Variants in FAM204A observed in about 807,000 individuals in gnomAD.
FAM204A encodes family with sequence similarity 204 member A.
Under a neutral mutation model 35.4 loss-of-function variants are expected in FAM204A, and 16 were observed. The ratio of observed to expected loss-of-function variants is 0.45; its 90% CI spans 0.31 to 0.69. The LOEUF (loss-of-function observed/expected upper bound fraction) is 0.69, where lower values mean the gene tolerates loss of function less well. FAM204A is among the 30% of genes least tolerant of loss of function. The probability of loss-of-function intolerance (pLI) is 0.07; values close to 1 mark genes in which losing one functional copy is unlikely to be tolerated. For synonymous variants in FAM204A, 76 were observed against 86.9 expected, an observed-to-expected ratio of 0.88 and a Z score of 0.70; for missense variants, 240 against 265.7, an observed-to-expected ratio of 0.90 and a Z score of 0.67.
intron 7 of FAM204A, among the ~76,000 whole-genome samples, chr10:118,324,847 A>C (rs904260416): frequency 9.2e-5 from 14 of 152,172 alleles, no homozygotes; most frequent in Non-Finnish European, 1.8e-4. Flanking sequence ...TGTTATGTAC[A>C]TTTTACAATT....
In FAM204A at chr10:118,310,896, C is replaced by A; in HGVS notation, c.663G>T (p.Lys221Asn). 1 of 1,600,572 alleles carries A rather than the reference C, an allele frequency of 6.2e-7. No homozygotes were observed. Among genetic ancestry groups the A allele is most frequent in the Non-Finnish European group, 8.5e-7 (1 of 1,176,106 alleles). ...TGTTGCTTTTGGTTTCCCATCTCTT[C>A]TTTGCTTCAAACCTAAAAGGAAGAA... ...KKKLAWGFEA[K>N]KRWETKSNMG... The change falls in exon 9 of 9, where the codon AAG (lysine) becomes AAT (asparagine). Residue 221 changes from lysine (K) to asparagine (N), a missense_variant. Transcript: ENST00000369183.
At chr10:118,328,408 T>C (rs1846232804) in intron 6 of FAM204A, among the ~76,000 whole-genome samples, 2 of 151,996 alleles carry the variant, frequency 1.3e-5, no homozygotes, top group Admixed American at 1.3e-4. Flanking sequence ...GGAAACTTGC[T>C]GGAAATGCAA....
At chr10:118,327,108 C>T (rs1383081335) in intron 6 of FAM204A, among the ~76,000 whole-genome samples, 1 of 152,152 alleles carries the variant, frequency 6.6e-6, no homozygotes, top group Admixed American at 6.5e-5. Flanking sequence ...TTCTTAGAAG[C>T]AAATTTTATC....
At chr10:118,326,295 G>A in intron 6 of FAM204A, 52 bp from the exon 7 acceptor site, 1 of 1,458,864 alleles carries the variant, frequency 6.9e-7, no homozygotes, top group Non-Finnish European at 9.6e-7. Context: ...GCAAACATTT[G>A]CTAGCCAAGA....
rs781759692 is a variant in FAM204A at position 118,335,568 on chromosome 10, T to C, written c.308A>G (p.Lys103Arg). 7.4e-6 allele frequency: 12 copies of C among 1,611,586 alleles called. No individual in the cohort carries two copies. The East Asian group carries it at 2.7e-4, about 36-fold the overall frequency. ...TTSRFRGKRR[K>R]RSRKDKLKNE... The stretch of plus-strand genomic sequence containing the variant: ...AAACAAAACACCTTTTCTGGAGCGT[T>C]TTCTTCTTTTCCCTCTGAATCTTGA... Residue 103 changes from lysine (K) to arginine (R), a missense_variant, in exon 4 of 9, where the codon AAA (lysine) becomes AGA (arginine). By Grantham distance (26) the Lys-to-Arg change is conservative. This residue lies in a region of FAM204A where 232 missense variants were observed against 242.8 expected (regional missense o/e 0.96). Transcript: ENST00000369183.
chr10:118,332,253 T>C (rs917583819), intron 6 of FAM204A, among the ~76,000 whole-genome samples: 3 of 150,512 alleles, frequency 2.0e-5, no homozygotes, highest in Admixed American at 1.3e-4. Context: ...CCAAATGACT[T>C]GGGTTTAAAG....
At chr10:118,323,973 G>A (rs968556641) in intron 7 of FAM204A, among the ~76,000 whole-genome samples, 12 of 152,162 alleles carry the variant, frequency 7.9e-5, no homozygotes, top group Admixed American at 3.9e-4. Flanking sequence ...GCTCTTCATA[G>A]GGAGAAGAAC....
intron 7 of FAM204A, among the ~76,000 whole-genome samples, chr10:118,315,821 A>G (rs1003445870): frequency 2.0e-5 from 3 of 152,134 alleles, no homozygotes; most frequent in Non-Finnish European, 2.9e-5. Context: ...CTGGGAGCCG[A>G]ACATGGTGCA....
Position 118,336,214 on chromosome 10 carries a change from A to G in FAM204A, c.202T>C (p.Cys68Arg), listed in dbSNP as rs1410755129. The G allele has an allele frequency of 6.2e-7, 1 of 1,613,534 alleles. No individual in the cohort carries two copies. Among genetic ancestry groups the G allele is most frequent in the Non-Finnish European group, 8.5e-7 (1 of 1,179,750 alleles). Residue 68 changes from cysteine to arginine, a missense_variant, in exon 3 of 9, where the codon TGT becomes CGT. Coordinates refer to ENST00000369183, the MANE Select transcript of FAM204A (RefSeq NM_022063.3). ...ATATCTATGGGAATTCCAGAAGGACACTCTTCATAGGCATTTACATTTGAC... is the reference window on the plus strand; with the variant it reads ...ATATCTATGGGAATTCCAGAAGGACGCTCTTCATAGGCATTTACATTTGAC... ...TESNVNAYEE[C>R]PSGIPIDMWN... is the part of the protein sequence containing the mutation.
intron 7 of FAM204A, among the ~76,000 whole-genome samples, chr10:118,320,628 A>G (rs929464449): frequency 6.6e-6 from 1 of 151,960 alleles, no homozygotes; most frequent in African/African-American, 2.4e-5. Flanking sequence ...ATATGTTTCT[A>G]CTTCATCTCT....
chr10:118,328,120 T>C (rs1165237085), intron 6 of FAM204A, among the ~76,000 whole-genome samples: 3 of 152,220 alleles, frequency 2.0e-5, no homozygotes, highest in Non-Finnish European at 4.4e-5. Context: ...GACTGCTGTA[T>C]GTCATGTTAT....
chr10:118,328,970 A>C lies in FAM204A; in HGVS notation c.454-2727T>G, dbSNP rs1350983377. Among the ~76,000 whole-genome samples the C allele has an allele frequency of 3.3e-5, 5 of 152,262 alleles. No homozygotes were observed. The East Asian group carries it at 7.7e-4, about 23-fold the overall frequency. The stretch of plus-strand genomic sequence containing the variant: ...TTTAGCTCTCTAAATAATTAGAAAC[A>C]CCTGACTTCTCCCCTGTACCAATAC... On this transcript the variant is annotated intron_variant, in intron 6 of 8. Transcript: ENST00000369183.
At chr10:118,336,528 G>A in intron 2 of FAM204A, 105 bp from the exon 3 acceptor site, 4 of 1,059,788 alleles carry the variant, frequency 3.8e-6, no homozygotes, top group East Asian at 2.7e-5. Context: ...AATGGTTTGG[G>A]AACAGTCCAT....
In FAM204A at chr10:118,302,764, CAG is replaced by C; in HGVS notation, c.*8091_*8092del. The C allele has an allele frequency of 6.6e-6, 1 of 152,312 alleles. No homozygotes were observed. The highest frequency in any genetic ancestry group is 1.9e-4 in the East Asian group (1 of 5,186). 9.4% of individuals were successfully genotyped at this position (152,312 alleles called of 1,614,324 possible). On this transcript the variant is annotated 3_prime_UTR_variant, in exon 9 of 9. Transcript: ENST00000369183. ...GCGTTTATATTAATGGCATTAAACT[CAG>C]TATTTATACCACAAGGCACCTCCTT...
chr10:118,301,131 C>G lies in FAM204A; in HGVS notation c.*9726G>C, dbSNP rs1221897568. The G allele has an allele frequency of 6.6e-6, 1 of 152,176 alleles. No individual in the cohort carries two copies. Among genetic ancestry groups the G allele is most frequent in the African/African-American group, 2.4e-5 (1 of 41,422 alleles). 9.4% of individuals were successfully genotyped at this position (152,176 alleles called of 1,614,324 possible). Reference sequence around the variant, plus strand: ...CGCATATTTAACCTCCTTGGCTCAACTGGGAACTCTTTGAAGGCTAGGGCC... The same window carrying G: ...CGCATATTTAACCTCCTTGGCTCAAGTGGGAACTCTTTGAAGGCTAGGGCC... On this transcript the variant is annotated 3_prime_UTR_variant, in exon 9 of 9. Coordinates refer to ENST00000369183, the MANE Select transcript of FAM204A (RefSeq NM_022063.3).
At chr10:118,339,535 A>G (rs769927307) in intron 2 of FAM204A, among the ~76,000 whole-genome samples, 1 of 152,196 alleles carries the variant, frequency 6.6e-6, no homozygotes, top group Non-Finnish European at 1.5e-5. Context: ...GCCTGTCTCC[A>G]GAAACGTGGA....
At chr10:118,313,005 A>C (rs756122543) in intron 7 of FAM204A, among the ~76,000 whole-genome samples, 6 of 152,248 alleles carry the variant, frequency 3.9e-5, no homozygotes, top group Admixed American at 6.5e-5. Flanking sequence ...AGTTCACGTA[A>C]GTCAACCAAA....
chr10:118,312,428 G>A (rs911448940), intron 7 of FAM204A, among the ~76,000 whole-genome samples: 5 of 152,142 alleles, frequency 3.3e-5, no homozygotes, highest in Admixed American at 1.3e-4. Context: ...ACACGTGTAA[G>A]GAAAGAAGCA....
In FAM204A at chr10:118,337,375, G is replaced by A. The variant is rs186029680; in HGVS notation, c.-8-952C>T. 4.3e-4 allele frequency: 139 copies of A among 320,960 alleles called. 1 individual carries two copies. In the Middle Eastern group the frequency reaches 4.8e-3, roughly 11 times the overall value. 19.9% of individuals were successfully genotyped at this position (320,960 alleles called of 1,614,324 possible). A position where few individuals can be genotyped will look rare whatever the true frequency, so the allele number is the denominator to read the frequency against. ...GAATAAAATGGAAGGACGGAAATTT[G>A]TTTTGCAGTTTTCTGTCCCATATTG... On this transcript the variant is annotated intron_variant, in intron 2 of 8. Coordinates refer to ENST00000369183, the MANE Select transcript of FAM204A (RefSeq NM_022063.3).
Sources: gnomAD v4.1 joint callset for allele counts (sites outside exome capture counted in the v4.1 genomes callset) on GRCh38, gnomAD v4.1.1 for gene constraint, gnomAD v4.1.1 regional missense constraint, MANE v1.5 for transcripts, NCBI Gene and HGNC (gene_info 2026-07-23, HGNC 2026-07-21) for gene names.